Variants in DNMBP observed in about 807,000 individuals in gnomAD.
The protein encoded by DNMBP is dynamin-binding protein.
DNMBP carries 87 observed loss-of-function variants against 150.0 expected under a neutral mutation model. That is an observed-to-expected ratio of 0.58 (90% confidence interval 0.49 to 0.69). DNMBP has a LOEUF of 0.69. Among genes scored for constraint, DNMBP ranks in the 30% least tolerant of loss-of-function variants. DNMBP has a pLI of 0.00. For missense variants in DNMBP, 1,774 were observed against 1,949.0 expected (o/e 0.91, Z 1.69); for synonymous variants, 711 against 750.4 (o/e 0.95, Z 0.86).
At chr10:99,892,326 G>A (rs2039585506) in intron 11 of DNMBP, among the ~76,000 whole-genome samples, 1 of 146,922 alleles carries the variant, frequency 6.8e-6, no homozygotes, top group Admixed American at 6.8e-5. Context: ...GGCGGGAAAG[G>A]TGGGGAAAAG....
intron 3 of DNMBP, among the ~76,000 whole-genome samples, chr10:99,963,950 T>TTTGACTGATG (rs2040590033): frequency 1.3e-5 from 2 of 152,132 alleles, no homozygotes; most frequent in Non-Finnish European, 2.9e-5. Context: ...ACACATGTGC[T>TTTGACTGATG]TTGACTGATG....
intron 4 of DNMBP, among the ~76,000 whole-genome samples, chr10:99,952,784 A>G (rs925235677): frequency 6.6e-6 from 1 of 151,912 alleles, no homozygotes; most frequent in African/African-American, 2.4e-5. Context: ...GAATTTTTTT[A>G]TTCTATTATT....
Position 99,895,166 on chromosome 10 carries a change from G to A in DNMBP, c.3052-116C>T, listed in dbSNP as rs531453671. On this transcript the variant is annotated intron_variant, in intron 10 of 16. Transcript: ENST00000324109. ...GTGGAGACGGAGTTTTGCTCTTGTC[G>A]TCCAGGTTGGAGTGCAATGGCATGA... The A allele has an allele frequency of 4.1e-4, 247 of 607,972 alleles. 2 individuals are homozygous for A. The South Asian group carries it at 4.4e-3, about 11-fold the overall frequency. The allele number at this position is 607,972 out of a possible 1,614,324, so 37.7% of individuals were successfully genotyped here.
chr10:99,982,970 A>G (rs924199020), intron 1 of DNMBP, among the ~76,000 whole-genome samples: 4 of 152,246 alleles, frequency 2.6e-5, no homozygotes, highest in Non-Finnish European at 5.9e-5. Context: ...TGCCAAAAAA[A>G]AAAAAATTCA....
At chr10:99,888,235 G>A (rs1273619837) in intron 12 of DNMBP, among the ~76,000 whole-genome samples, 1 of 95,244 alleles carries the variant, frequency 1.0e-5, no homozygotes. Flanking sequence ...TTTTGAGGCA[G>A]AGTCTTGCTC....
At chr10:99,940,960 T>C (rs575206918) in intron 4 of DNMBP, among the ~76,000 whole-genome samples, 9 of 152,100 alleles carry the variant, frequency 5.9e-5, no homozygotes, top group Middle Eastern at 3.4e-3. Context: ...TCTTGGCTCA[T>C]TGCAACCTCC....
Position 99,955,814 on chromosome 10 carries a change from G to GT in DNMBP, c.1659dup (p.Gln554ThrfsTer7). ...CTCTTCTCAAACTCGATCAGCTGTT[G>GT]TGTCAGCTTCGAGTCCAGGTCAGTG... is the stretch of plus-strand genomic sequence containing the variant. On this transcript the variant is annotated frameshift_variant, in exon 4 of 17. Coordinates refer to ENST00000324109, the MANE Select transcript of DNMBP (RefSeq NM_015221.4). LOFTEE classifies it high-confidence loss of function. The GT allele has an allele frequency of 6.2e-7, 1 of 1,614,254 alleles. No individual in the cohort carries two copies. The highest frequency in any genetic ancestry group is 8.5e-7 in the Non-Finnish European group (1 of 1,180,050).
chr10:99,880,438 A>T, intron 15 of DNMBP, 77 bp from the exon 16 acceptor site: 1 of 1,436,686 alleles, frequency 7.0e-7, no homozygotes, highest in Non-Finnish European at 9.1e-7. Context: ...TGAGAGAAAA[A>T]AAACTGATCT....
At chr10:99,976,995 G>A (rs2040734961) in intron 1 of DNMBP, among the ~76,000 whole-genome samples, 1 of 152,092 alleles carries the variant, frequency 6.6e-6, no homozygotes, top group Non-Finnish European at 1.5e-5. Context: ...TAATTACTTA[G>A]AGAACTACCC....
chr10:99,953,413 C>A (rs942145582), intron 4 of DNMBP, among the ~76,000 whole-genome samples: 2 of 152,048 alleles, frequency 1.3e-5, no homozygotes, highest in African/African-American at 2.4e-5. Context: ...TTAGTTTCCT[C>A]ATCTATAGAG....
intron 1 of DNMBP, among the ~76,000 whole-genome samples, chr10:99,975,062 T>C (rs961031930): frequency 6.6e-6 from 1 of 152,200 alleles, no homozygotes; most frequent in African/African-American, 2.4e-5. Flanking sequence ...ACCTGACCTC[T>C]GTTAATTTAT....
rs79131099 is a variant in DNMBP at position 99,956,681 on chromosome 10, C to T, written c.793G>A (p.Glu265Lys). ...AGAATTCGGATTTTATCCCCGACCT[C>T]GAAATCCAGCTCATTTGGCTCCAGG... ...QALEPNELDFEVGDKIRILAT... is the reference protein window; with the variant it reads ...QALEPNELDFKVGDKIRILAT... The change falls in exon 4 of 17, where the codon GAG becomes AAG. Residue 265 changes from glutamate to lysine, a missense_variant. Physicochemically the swap from Glu to Lys is moderately conservative, Grantham distance 56. Coordinates refer to ENST00000324109, the MANE Select transcript of DNMBP (RefSeq NM_015221.4). 2.3e-4 allele frequency: 366 copies of T among 1,613,544 alleles called. 2 individuals carry two copies. In the African/African-American group the frequency reaches 4.4e-3, roughly 19 times the overall value.
chr10:99,992,739 G>T (rs1192134716), intron 1 of DNMBP, among the ~76,000 whole-genome samples: 4 of 152,096 alleles, frequency 2.6e-5, no homozygotes, highest in Non-Finnish European at 5.9e-5. Flanking sequence ...TGTTAGCCAG[G>T]ATGGTCTCGA....
rs570262498 is a variant in DNMBP, at chr10:99,938,020, T to C, written c.2260+17194A>G. ...CCTCTTTGGCTGTCACTTTCCTATG[T>C]AGGAAATGTGGACATTAATGATTTC... On this transcript the variant is annotated intron_variant, in intron 4 of 16. Coordinates refer to ENST00000324109, the MANE Select transcript of DNMBP (RefSeq NM_015221.4). Among the ~76,000 whole-genome samples the C allele has an allele frequency of 5.9e-5, 9 of 152,324 alleles. No homozygotes were observed. In the South Asian group the frequency reaches 1.9e-3, roughly 32 times the overall value.
intron 4 of DNMBP, among the ~76,000 whole-genome samples, chr10:99,944,106 A>C (rs926967001): frequency 2.0e-5 from 3 of 152,206 alleles, no homozygotes; most frequent in Non-Finnish European, 2.9e-5. Context: ...ATTTAGAACA[A>C]TGGGGTTCCG....
At chr10:99,892,074 C>A (rs2039578243) in intron 11 of DNMBP, among the ~76,000 whole-genome samples, 1 of 139,244 alleles carries the variant, frequency 7.2e-6, no homozygotes, top group Non-Finnish European at 1.5e-5. Flanking sequence ...CGGCCAGCCA[C>A]CCCATCTGGG....
intron 4 of DNMBP, among the ~76,000 whole-genome samples, chr10:99,920,136 T>C (rs908911232): frequency 6.6e-6 from 1 of 151,896 alleles, no homozygotes; most frequent in South Asian, 2.1e-4. Context: ...AGTGCAATGA[T>C]GTGATCTCGC....
chr10:99,944,467 G>C (rs1485638116), intron 4 of DNMBP, among the ~76,000 whole-genome samples: 2 of 152,148 alleles, frequency 1.3e-5, no homozygotes, highest in African/African-American at 4.8e-5. Flanking sequence ...ACCTCTTAAT[G>C]TTTCTACTGC....
chr10:99,963,802 T>C (rs568413979), intron 3 of DNMBP, among the ~76,000 whole-genome samples: 23 of 150,852 alleles, frequency 1.5e-4, no homozygotes, highest in African/African-American at 5.4e-4. Context: ...CGGACTCCTT[T>C]TGGGCTGTCT....
Sources: allele counts gnomAD v4.1 joint callset (sites outside exome capture counted in the v4.1 genomes callset), GRCh38; gene constraint gnomAD v4.1.1; transcripts MANE v1.5; gene names NCBI Gene and HGNC (gene_info 2026-07-23, HGNC 2026-07-21).